Variants in PTBP3 observed in about 807,000 individuals in gnomAD.
PTBP3 encodes polypyrimidine tract-binding protein 3.
A neutral mutation model predicts 58.7 loss-of-function variants in PTBP3; 20 were observed. That is an observed-to-expected ratio of 0.34 (90% CI 0.24 to 0.50). The LOEUF is 0.50. Ranked by LOEUF, PTBP3 falls within the 20% of genes least tolerant of loss-of-function variation. PTBP3 has a pLI of 0.98. For missense variants in PTBP3, 509 were observed against 637.2 expected, an observed-to-expected ratio of 0.80 and a Z score of 2.17; for synonymous variants, 185 against 219.8, an observed-to-expected ratio of 0.84 and a Z score of 1.40.
chr9:112,295,749 T>C (rs1828652507), intron 2 of PTBP3, among the ~76,000 whole-genome samples: 1 of 152,092 alleles, frequency 6.6e-6, no homozygotes, highest in African/African-American at 2.4e-5. Context: ...GGACATAAAA[T>C]AGAACCTAAA....
chr9:112,373,980 G>GT, the PTBP3 span, among the ~76,000 whole-genome samples: 27 of 151,584 alleles, frequency 1.8e-4, no homozygotes, highest in Admixed American at 3.3e-4. Context: ...GCAGGTCGTG[G>GT]TTTTTTTTTC....
At chr9:112,290,875 A>G (rs1828389177) in intron 2 of PTBP3, among the ~76,000 whole-genome samples, 1 of 151,938 alleles carries the variant, frequency 6.6e-6, no homozygotes, top group African/African-American at 2.4e-5. Flanking sequence ...CCACTTCTAG[A>G]CACATACCAA....
chr9:112,372,788 C>A, the PTBP3 span, among the ~76,000 whole-genome samples: 1 of 152,100 alleles, frequency 6.6e-6, no homozygotes, highest in Non-Finnish European at 1.5e-5. Context: ...AATGCATATA[C>A]CATATTGTGT....
chr9:112,312,691 T>A (rs1279573966), intron 1 of PTBP3, among the ~76,000 whole-genome samples: 1 of 151,740 alleles, frequency 6.6e-6, no homozygotes, highest in East Asian at 1.9e-4. Flanking sequence ...AATAAAATTT[T>A]AAAAAATAAT....
chr9:112,336,598 ATGGT>A (rs1487454364), upstream of PTBP3, among the ~76,000 whole-genome samples: 1 of 152,036 alleles, frequency 6.6e-6, no homozygotes, highest in Non-Finnish European at 1.5e-5. Context: ...CCTGGGCAAC[ATGGT>A]GAAACCCTGT....
intron 2 of PTBP3, among the ~76,000 whole-genome samples, chr9:112,295,705 T>G (rs905480270): frequency 6.6e-6 from 1 of 151,876 alleles, no homozygotes; most frequent in South Asian, 2.1e-4. Context: ...GTGATTTATA[T>G]GGAAAAGTGT....
intron 12 of PTBP3, among the ~76,000 whole-genome samples, chr9:112,225,794 C>G (rs751500649): frequency 6.6e-6 from 1 of 152,170 alleles, no homozygotes; most frequent in Non-Finnish European, 1.5e-5. Flanking sequence ...CAGTCGTTCA[C>G]GTCTCTAATC....
At chr9:112,241,246 G>A (rs1835649343) in intron 7 of PTBP3, among the ~76,000 whole-genome samples, 1 of 152,108 alleles carries the variant, frequency 6.6e-6, no homozygotes, top group Non-Finnish European at 1.5e-5. Context: ...TGGGATTACA[G>A]AAGCCCTACA....
chr9:112,379,752 G>A, the PTBP3 span, among the ~76,000 whole-genome samples: 1 of 152,254 alleles, frequency 6.6e-6, no homozygotes, highest in Non-Finnish European at 1.5e-5. Flanking sequence ...CACCCTCCCA[G>A]CTCGGAGCCG....
intron 5 of PTBP3, among the ~76,000 whole-genome samples, chr9:112,254,581 T>C (rs6477903): frequency 0.57 from 86,287 of 152,072 alleles, 26,621 homozygotes; most frequent in African/African-American, 0.83. Context: ...TCAATCGACA[T>C]TTCTCCAAAG....
At chr9:112,245,605 TA>T (rs1261972353) in intron 7 of PTBP3, among the ~76,000 whole-genome samples, 1 of 152,202 alleles carries the variant, frequency 6.6e-6, no homozygotes, top group Non-Finnish European at 1.5e-5. Flanking sequence ...TGAGCACATC[TA>T]ATGTTTAGGT....
At position 112,222,664 on chromosome 9, in the gene PTBP3, A is replaced by C; in HGVS notation, c.*1187T>G. On this transcript the variant is annotated 3_prime_UTR_variant, in exon 14 of 14. Coordinates refer to ENST00000374257, the MANE Select transcript of PTBP3 (RefSeq NM_001163788.4). ...TATTACTTATTGAAAACCACTTAAA[A>C]TTGCAATGAAAAAAATTTTAAATCC... 1.0e-6 allele frequency: 1 copy of C among 985,516 alleles called. No individual in the cohort carries two copies. Among genetic ancestry groups the C allele is most frequent in the Non-Finnish European group, 1.2e-6 (1 of 829,636 alleles). The allele number at this position is 985,516 out of a possible 1,614,324, so 61.0% of individuals were successfully genotyped here.
intron 5 of PTBP3, among the ~76,000 whole-genome samples, chr9:112,260,815 C>T (rs1218453727): frequency 2.0e-5 from 3 of 152,164 alleles, no homozygotes; most frequent in Non-Finnish European, 4.4e-5. Flanking sequence ...AGTGCTATAA[C>T]TGAAAGGCTG....
At chr9:112,240,462 T>C (rs1399269173) in intron 7 of PTBP3, among the ~76,000 whole-genome samples, 2 of 152,120 alleles carry the variant, frequency 1.3e-5, no homozygotes, top group Admixed American at 6.5e-5. Flanking sequence ...GTGCAACATA[T>C]TCCTCATATG....
At position 112,224,188 on chromosome 9, in the gene PTBP3, G is replaced by C; in HGVS notation, c.1387C>G (p.Leu463Val). ...NIPPSVTVDD[L>V]KNLFIEAGCS... ...CCAGCTTCTATGAAAAGGTTCTTCA[G>C]ATCATCCACTGTAACAGAAGGGCTG... Residue 463 changes from leucine to valine, a missense_variant, in exon 13 of 14, where the codon CTG becomes GTG. Coordinates refer to ENST00000374257, the MANE Select transcript of PTBP3 (RefSeq NM_001163788.4). 1 of 1,558,706 alleles carries C rather than the reference G, an allele frequency of 6.4e-7. No individual in the cohort carries two copies. Among genetic ancestry groups the C allele is most frequent in the Non-Finnish European group, 8.6e-7 (1 of 1,160,468 alleles).
chr9:112,321,451 C>A (rs923889028), intron 1 of PTBP3, among the ~76,000 whole-genome samples: 2 of 151,472 alleles, frequency 1.3e-5, no homozygotes, highest in African/African-American at 4.9e-5. Context: ...ATCGATTGAA[C>A]CTGGGAGGCG....
chr9:112,233,064 TAAG>T (rs1170661589), intron 8 of PTBP3, among the ~76,000 whole-genome samples: 4 of 152,056 alleles, frequency 2.6e-5, no homozygotes, highest in Admixed American at 2.0e-4. Flanking sequence ...CTTGATAATC[TAAG>T]AAGGTCATAA....
chr9:112,332,290 T>G (rs929835706), intron 1 of PTBP3, among the ~76,000 whole-genome samples: 5 of 152,220 alleles, frequency 3.3e-5, no homozygotes, highest in Non-Finnish European at 5.9e-5. Flanking sequence ...CAATCTGCAT[T>G]CAAATGAATC....
chr9:112,321,037 T>C (rs1181003148), intron 1 of PTBP3, among the ~76,000 whole-genome samples: 1 of 152,174 alleles, frequency 6.6e-6, no homozygotes, highest in African/African-American at 2.4e-5. Context: ...AATTAAATTC[T>C]TCTATTTATC....
Sources: allele counts gnomAD v4.1 joint callset (sites outside exome capture counted in the v4.1 genomes callset), GRCh38; gene constraint gnomAD v4.1.1; transcripts MANE v1.5; gene names NCBI Gene and HGNC (gene_info 2026-07-23, HGNC 2026-07-21).